IGFBP7: variants seen among roughly 807,000 people sequenced by gnomAD.
IGFBP7 encodes insulin-like growth factor-binding protein 7.
Under a neutral mutation model 29.4 loss-of-function variants are expected in IGFBP7, and 31 were observed. The ratio of observed to expected loss-of-function variants is 1.05; its 90% CI spans 0.79 to 1.42. The LOEUF is 1.42. Ranked by LOEUF, IGFBP7 falls within the 40% of genes most tolerant of loss-of-function variation. IGFBP7 has a pLI of 0.00. For missense variants in IGFBP7, 393 were observed against 395.5 expected (o/e 0.99, Z 0.05); for synonymous variants, 172 against 174.9 (o/e 0.98, Z 0.13).
chr4:57,067,153 T>G (rs1455650123), intron 1 of IGFBP7, among the ~76,000 whole-genome samples: 2 of 152,224 alleles, frequency 1.3e-5, no homozygotes, highest in Admixed American at 6.5e-5. Context: ...TGATGATATA[T>G]ATTTTCAAGG....
intron 1 of IGFBP7, among the ~76,000 whole-genome samples, chr4:57,104,714 C>A (rs750287137): frequency 3.3e-5 from 5 of 152,082 alleles, no homozygotes; most frequent in Admixed American, 6.6e-5. Flanking sequence ...AGCTCTGGAC[C>A]TAATTTTACT....
At chr4:57,041,451 G>C (rs1724224892) in intron 1 of IGFBP7, among the ~76,000 whole-genome samples, 1 of 152,336 alleles carries the variant, frequency 6.6e-6, no homozygotes, top group South Asian at 2.1e-4. Flanking sequence ...AGGTTGAAAA[G>C]GGTGATGAGG....
intron 1 of IGFBP7, among the ~76,000 whole-genome samples, chr4:57,050,044 C>T (rs1304299427): frequency 6.6e-6 from 1 of 151,808 alleles, no homozygotes; most frequent in Non-Finnish European, 1.5e-5. Flanking sequence ...TGTTTCTTGG[C>T]TACTAACCAC....
At chr4:57,042,470 C>T (rs1724253256) in intron 1 of IGFBP7, among the ~76,000 whole-genome samples, 1 of 152,170 alleles carries the variant, frequency 6.6e-6, no homozygotes, top group Non-Finnish European at 1.5e-5. Context: ...ATTCCCATGA[C>T]TCAGTCTCCC....
At chr4:57,049,545 C>T (rs566934189) in intron 1 of IGFBP7, among the ~76,000 whole-genome samples, 1 of 152,284 alleles carries the variant, frequency 6.6e-6, no homozygotes, top group South Asian at 2.1e-4. Context: ...TATTTCTTAT[C>T]ACACTTTATT....
intron 1 of IGFBP7, among the ~76,000 whole-genome samples, chr4:57,065,211 A>G (rs1463155220): frequency 6.6e-6 from 1 of 152,232 alleles, no homozygotes; most frequent in Non-Finnish European, 1.5e-5. Flanking sequence ...CTCGCCCACA[A>G]GCTATGGCTA....
chr4:57,046,317 T>A (rs556028371), intron 1 of IGFBP7, among the ~76,000 whole-genome samples: 1 of 144,786 alleles, frequency 6.9e-6, no homozygotes, highest in African/African-American at 2.5e-5. Flanking sequence ...TGCAATTCAA[T>A]CCCTGACAGT....
At chr4:57,042,571 C>T (rs9999347) in intron 1 of IGFBP7, among the ~76,000 whole-genome samples, 35,451 of 152,132 alleles carry the variant, frequency 0.23, 4,827 homozygotes, top group African/African-American at 0.38. Flanking sequence ...TGGTCTCGAA[C>T]CCCTGAGCTC....
intron 1 of IGFBP7, among the ~76,000 whole-genome samples, chr4:57,105,577 G>A (rs946127444): frequency 6.6e-6 from 1 of 152,188 alleles, no homozygotes; most frequent in African/African-American, 2.4e-5. Context: ...AACCCTATGA[G>A]ATAGATAATG....
At chr4:57,105,971 A>C (rs1726021745) in intron 1 of IGFBP7, among the ~76,000 whole-genome samples, 2 of 137,168 alleles carry the variant, frequency 1.5e-5, no homozygotes, top group Admixed American at 1.6e-4. Context: ...CAGTGGTGCT[A>C]TCTTGGATCA....
At chr4:57,102,119 G>A (rs1725913115) in intron 1 of IGFBP7, among the ~76,000 whole-genome samples, 1 of 152,152 alleles carries the variant, frequency 6.6e-6, no homozygotes, top group South Asian at 2.1e-4. Context: ...GTGGCTTGAG[G>A]TAAAGGAAGC....
At chr4:57,039,347 T>C (rs970553523) in intron 2 of IGFBP7, among the ~76,000 whole-genome samples, 41 of 152,170 alleles carry the variant, frequency 2.7e-4, no homozygotes, top group African/African-American at 9.7e-4. Context: ...TTTTATAAGG[T>C]AGAGAACAGA....
chr4:57,079,022 T>C (rs1008335897), intron 1 of IGFBP7, among the ~76,000 whole-genome samples: 1 of 152,202 alleles, frequency 6.6e-6, no homozygotes, highest in Non-Finnish European at 1.5e-5. Flanking sequence ...TCCTGAATGT[T>C]GTTCTTCAGA....
rs377259857 is a variant in IGFBP7, at chr4:57,038,247, A to C, written c.585+2577T>G. Among the ~76,000 whole-genome samples the C allele has an allele frequency of 3.0e-4, 46 of 152,364 alleles. 2 individuals are homozygous for C. The East Asian group carries it at 4.1e-3, about 13-fold the overall frequency. Reference sequence around the variant, plus strand: ...TTGAGCCCTTCGTGGGATTTTCACAATGCAGCAGGGAGAAGGGAAGCCCTT... The same window carrying C: ...TTGAGCCCTTCGTGGGATTTTCACACTGCAGCAGGGAGAAGGGAAGCCCTT... On this transcript the variant is annotated intron_variant, in intron 2 of 4. Coordinates refer to ENST00000295666, the MANE Select transcript of IGFBP7 (RefSeq NM_001553.3).
At chr4:57,108,795 T>A (rs1248691306) in intron 1 of IGFBP7, among the ~76,000 whole-genome samples, 1 of 152,132 alleles carries the variant, frequency 6.6e-6, no homozygotes, top group Admixed American at 6.5e-5. Flanking sequence ...GATCTGCCCA[T>A]CTTGGCCTCC....
At chr4:57,054,427 G>A (rs538806857) in intron 1 of IGFBP7, among the ~76,000 whole-genome samples, 26 of 152,174 alleles carry the variant, frequency 1.7e-4, no homozygotes, top group Middle Eastern at 3.4e-3. Flanking sequence ...GAGGTCAGGA[G>A]ATCGAGACCA....
intron 1 of IGFBP7, among the ~76,000 whole-genome samples, chr4:57,108,518 G>T (rs2109810693): frequency 6.8e-6 from 1 of 146,828 alleles, no homozygotes; most frequent in Non-Finnish European, 1.5e-5. Context: ...GCGTGTATTT[G>T]CAAGTCCAGA....
chr4:57,051,136 G>T (rs951712472), intron 1 of IGFBP7, among the ~76,000 whole-genome samples: 3 of 152,138 alleles, frequency 2.0e-5, no homozygotes. Context: ...AGTACAAAAC[G>T]GGAAAAGAAT....
intron 1 of IGFBP7, among the ~76,000 whole-genome samples, chr4:57,066,348 G>C (rs573468969): frequency 6.6e-6 from 1 of 152,284 alleles, no homozygotes; most frequent in African/African-American, 2.4e-5. Flanking sequence ...CAACGGCCAT[G>C]TGAGTGAGTC....
Sources: gnomAD v4.1 joint callset for allele counts (sites outside exome capture counted in the v4.1 genomes callset) on GRCh38, gnomAD v4.1.1 for gene constraint, MANE v1.5 for transcripts, NCBI Gene and HGNC (gene_info 2026-07-23, HGNC 2026-07-21) for gene names.